Variants in YIPF4 observed in about 807,000 individuals in gnomAD.
YIPF4 encodes protein YIPF4.
In YIPF4, 18 loss-of-function variants were observed where a neutral mutation model predicts 29.4. The observed-to-expected ratio is 0.61, with a 90% CI of 0.42 to 0.91. The LOEUF (loss-of-function observed/expected upper bound fraction) is 0.91, where lower values mean the gene tolerates loss of function less well. Among genes scored for constraint, YIPF4 ranks in the 40% least tolerant of loss-of-function variants. The pLI is 0.00. For missense variants in YIPF4, 279 were observed against 282.7 expected, an observed-to-expected ratio of 0.99 and a Z score of 0.09; for synonymous variants, 115 against 104.7, an observed-to-expected ratio of 1.10 and a Z score of -0.60.
chr2:32,290,344 A>C (rs2030856741), intron 1 of YIPF4, 139 bp from the exon 2 acceptor site: 8 of 499,360 alleles, frequency 1.6e-5, no homozygotes, highest in Non-Finnish European at 2.5e-5. Flanking sequence ...TCAACTATAA[A>C]ATTTGAAGAT....
chr2:32,304,273 A>T (rs989313064), intron 5 of YIPF4, among the ~76,000 whole-genome samples: 3 of 152,198 alleles, frequency 2.0e-5, no homozygotes, highest in Admixed American at 6.5e-5. Flanking sequence ...TTTATTTAAC[A>T]TTAAATCTCT....
chr2:32,293,879 G>C (rs2031035862), intron 3 of YIPF4, among the ~76,000 whole-genome samples: 1 of 148,272 alleles, frequency 6.7e-6, no homozygotes, highest in Non-Finnish European at 1.5e-5. Context: ...GGGGCGGCTG[G>C]CCGGGCGGGG....
At chr2:32,289,044 C>A (rs1380079892) in intron 1 of YIPF4, among the ~76,000 whole-genome samples, 1 of 152,236 alleles carries the variant, frequency 6.6e-6, no homozygotes, top group Non-Finnish European at 1.5e-5. Flanking sequence ...TCAACTTAGA[C>A]AAAGAAGTAG....
At chr2:32,285,928 A>C (rs1558474477) in intron 1 of YIPF4, among the ~76,000 whole-genome samples, 3 of 152,312 alleles carry the variant, frequency 2.0e-5, no homozygotes, top group South Asian at 4.1e-4. Flanking sequence ...GTCTAGTCTT[A>C]TCACAAATGT....
chr2:32,294,598 G>T (rs528928717), intron 3 of YIPF4, among the ~76,000 whole-genome samples: 162 of 149,820 alleles, frequency 1.1e-3, no homozygotes, highest in African/African-American at 3.8e-3. Flanking sequence ...CAGCCAGGCA[G>T]AGGGGCTCCT....
intron 3 of YIPF4, among the ~76,000 whole-genome samples, 187 bp from the exon 4 acceptor site, chr2:32,298,047 G>C (rs998370506): frequency 6.6e-6 from 1 of 152,068 alleles, no homozygotes; most frequent in Non-Finnish European, 1.5e-5. Context: ...TTTTAATTTG[G>C]ATGTAAAATT....
At chr2:32,300,365 C>T (rs1483200286) in intron 4 of YIPF4, among the ~76,000 whole-genome samples, 1 of 144,382 alleles carries the variant, frequency 6.9e-6, no homozygotes, top group African/African-American at 2.6e-5. Flanking sequence ...ACCCGGGAGG[C>T]GGAGGTTGCG....
At chr2:32,278,937 T>C (rs548255248) in intron 1 of YIPF4, among the ~76,000 whole-genome samples, 12 of 152,318 alleles carry the variant, frequency 7.9e-5, no homozygotes, top group African/African-American at 2.2e-4. Context: ...CTCAGTTCCC[T>C]ATCCAACTCA....
In YIPF4 at chr2:32,306,579, G is replaced by C; in HGVS notation, c.*953G>C. The C allele has an allele frequency of 9.1e-6, 9 of 985,188 alleles. No individual in the cohort carries two copies. Among genetic ancestry groups the C allele is most frequent in the Non-Finnish European group, 1.1e-5 (9 of 829,806 alleles). 61.0% of individuals were successfully genotyped at this position (985,188 alleles called of 1,614,324 possible). On this transcript the variant is annotated 3_prime_UTR_variant, in exon 6 of 6. Coordinates refer to ENST00000238831, the MANE Select transcript of YIPF4 (RefSeq NM_032312.4). The stretch of plus-strand genomic sequence containing the variant: ...AAAATACTTCCCAGTTGTGTGTTTT[G>C]TTTTACAGCACCATGTCCTGTATTA...
At chr2:32,302,351 G>A (rs185267205) in intron 5 of YIPF4, among the ~76,000 whole-genome samples, 312 of 152,144 alleles carry the variant, frequency 2.1e-3, no homozygotes, top group African/African-American at 7.1e-3. Flanking sequence ...TTAAATGTTG[G>A]ATTTAAAATT....
At chr2:32,288,380 T>G (rs548949983) in intron 1 of YIPF4, among the ~76,000 whole-genome samples, 10 of 152,330 alleles carry the variant, frequency 6.6e-5, no homozygotes, top group Non-Finnish European at 8.8e-5. Flanking sequence ...TGGTTTAGAT[T>G]AAGGACTTTA....
At chr2:32,297,777 A>G (rs563569798) in intron 3 of YIPF4, among the ~76,000 whole-genome samples, 14 of 152,280 alleles carry the variant, frequency 9.2e-5, no homozygotes, top group Admixed American at 3.3e-4. Flanking sequence ...CAAAATACAA[A>G]TATATGTATG....
chr2:32,305,198 T>A (rs2031532525), intron 5 of YIPF4, among the ~76,000 whole-genome samples: 1 of 152,060 alleles, frequency 6.6e-6, no homozygotes, highest in African/African-American at 2.4e-5. Context: ...AAAGAAACAA[T>A]AAGTTATAAT....
At chr2:32,279,880 A>AT (rs1025684227) in intron 1 of YIPF4, among the ~76,000 whole-genome samples, 14 of 127,088 alleles carry the variant, frequency 1.1e-4, no homozygotes, top group Admixed American at 3.1e-4. Context: ...TGAGACATTT[A>AT]TTTTTTTTTC....
At chr2:32,305,369 T>A (rs898620477) in intron 5 of YIPF4, 120 bp from the exon 6 acceptor site, 19 of 1,178,834 alleles carry the variant, frequency 1.6e-5, no homozygotes, top group Non-Finnish European at 2.1e-5. Flanking sequence ...TTTTACTATT[T>A]ACCAAAATTG....
chr2:32,295,244 ACT>A (rs796299506), intron 3 of YIPF4, among the ~76,000 whole-genome samples: 1 of 151,858 alleles, frequency 6.6e-6, no homozygotes, highest in Admixed American at 6.6e-5. Context: ...TATATACATC[ACT>A]CTCTCATGCC....
In YIPF4 at chr2:32,316,526, A is replaced by T. The variant is rs1444048884; in HGVS notation, c.*10900A>T. ...CTCAATTGTTAAACTATTGAAATGC[A>T]TCTGTGTCAATGGTAAATAGTATTA... On this transcript the variant is annotated 3_prime_UTR_variant, in exon 6 of 6. Coordinates refer to ENST00000238831, the MANE Select transcript of YIPF4 (RefSeq NM_032312.4). The T allele has an allele frequency of 6.6e-6, 1 of 152,228 alleles. No homozygotes were observed. The highest frequency in any genetic ancestry group is 1.9e-4 in the East Asian group (1 of 5,200). The allele number at this position is 152,228 out of a possible 1,614,324, so 9.4% of individuals were successfully genotyped here.
chr2:32,314,923 G>C lies in YIPF4; in HGVS notation c.*9297G>C, dbSNP rs61393954. 1 of 152,166 alleles carries C rather than the reference G, an allele frequency of 6.6e-6. No individual in the cohort carries two copies. The highest frequency in any genetic ancestry group is 1.5e-5 in the Non-Finnish European group (1 of 68,032). 9.4% of individuals were successfully genotyped at this position (152,166 alleles called of 1,614,324 possible). On this transcript the variant is annotated 3_prime_UTR_variant, in exon 6 of 6. Transcript: ENST00000238831. ...TATAAAAAGATGGAATATTAAATAA[G>C]TGGGGATACTGTATCAGATAGGAAC...
intron 1 of YIPF4, among the ~76,000 whole-genome samples, chr2:32,279,839 TA>T (rs1323108236): frequency 6.6e-6 from 1 of 151,592 alleles, no homozygotes; most frequent in Non-Finnish European, 1.5e-5. Flanking sequence ...AAATGTACAA[TA>T]AAATTTTTGT....
Sources: gnomAD v4.1 joint callset for allele counts (sites outside exome capture counted in the v4.1 genomes callset) on GRCh38, gnomAD v4.1.1 for gene constraint, MANE v1.5 for transcripts, NCBI Gene and HGNC (gene_info 2026-07-23, HGNC 2026-07-21) for gene names.